UCKL1: variants seen among roughly 807,000 people sequenced by gnomAD.
The protein encoded by UCKL1 is uridine-cytidine kinase 1 like 1, also known as uridine-cytidine kinase-like 1.
Under a neutral mutation model 59.2 loss-of-function variants are expected in UCKL1, and 65 were observed. That is an observed-to-expected ratio of 1.10 (90% confidence interval 0.90 to 1.35). UCKL1 has a LOEUF of 1.35. UCKL1 is among the 40% of genes most tolerant of loss of function. The probability of loss-of-function intolerance (pLI) is 0.00; values close to 1 mark genes in which losing one functional copy is unlikely to be tolerated. For missense variants in UCKL1, 703 were observed against 784.3 expected, an observed-to-expected ratio of 0.90 and a Z score of 1.24; for synonymous variants, 410 against 323.1, an observed-to-expected ratio of 1.27 and a Z score of -2.88.
Position 63,956,253 on chromosome 20 carries a change from C to T in UCKL1, c.113+7G>A, listed in dbSNP as rs914919749. On this transcript the variant is annotated splice_region_variant and intron_variant, in intron 1 of 14. Transcript: ENST00000354216. Reference sequence around the variant, plus strand: ...GCCAGTGGAGTGGAGGCGAGGCCCACGCCTACCGGTCCTCGCACGCGGTCT... The same window carrying T: ...GCCAGTGGAGTGGAGGCGAGGCCCATGCCTACCGGTCCTCGCACGCGGTCT... 2.6e-6 allele frequency: 4 copies of T among 1,527,198 alleles called. No individual in the cohort carries two copies. The highest frequency in any genetic ancestry group is 2.6e-6 in the Non-Finnish European group (3 of 1,140,324). 94.6% of individuals were successfully genotyped at this position (1,527,198 alleles called of 1,614,324 possible).
At chr20:63,943,762 C>T (rs1014044620) in intron 7 of UCKL1, 93 bp from the exon 8 acceptor site, 1 of 1,583,718 alleles carries the variant, frequency 6.3e-7, no homozygotes, top group Admixed American at 1.7e-5. Flanking sequence ...AATGGACATG[C>T]TGCAGGCCCG....
chr20:63,945,344 C>T (rs1363929547), intron 5 of UCKL1, among the ~76,000 whole-genome samples: 1 of 150,704 alleles, frequency 6.6e-6, no homozygotes, highest in African/African-American at 2.5e-5. Flanking sequence ...AACACACCAG[C>T]CCTGGGTCCT....
chr20:63,941,255 A>G, intron 8 of UCKL1, 47 bp from the exon 9 acceptor site: 1 of 1,456,588 alleles, frequency 6.9e-7, no homozygotes, highest in Non-Finnish European at 9.1e-7. Context: ...GTCTTTTCCC[A>G]GAGCCCTCCC....
chr20:63,942,366 A>C, intron 8 of UCKL1: 1 of 1,152,706 alleles, frequency 8.7e-7, no homozygotes, highest in South Asian at 1.6e-5. Flanking sequence ...AGCGGCAGGG[A>C]AAGGGGCGGG....
At chr20:63,942,006 G>T (rs2054654269) in intron 8 of UCKL1, among the ~76,000 whole-genome samples, 1 of 136,192 alleles carries the variant, frequency 7.3e-6, no homozygotes, top group East Asian at 2.2e-4. Flanking sequence ...AGGGAAAGGG[G>T]CGGGGCCGGG....
intron 8 of UCKL1, chr20:63,942,367 AAG>A (rs1219579790): frequency 1.7e-6 from 2 of 1,159,800 alleles, no homozygotes; most frequent in African/African-American, 3.3e-5. Context: ...GCGGCAGGGA[AAG>A]GGGCGGGGCA....
In UCKL1 at chr20:63,946,486, G is replaced by C; in HGVS notation, c.271C>G (p.His91Asp). 1 of 1,580,240 alleles carries C rather than the reference G, an allele frequency of 6.3e-7. No individual in the cohort carries two copies. The highest frequency in any genetic ancestry group is 8.6e-7 in the Non-Finnish European group (1 of 1,162,480). ...TAGRPPWYNE[H>D]GTQSKEAFAI... ...AAGGCCTCTTTGGATTGCGTGCCGT[G>C]TTCATTGTACCAGGGCGGCCGCCCG... is the stretch of plus-strand genomic sequence containing the variant. The change falls in exon 2 of 15, where the codon CAC becomes GAC. Residue 91 changes from histidine to aspartate, a missense_variant. This residue lies in a region of UCKL1 where 398 missense variants were observed against 373.0 expected (regional missense o/e 1.07). Transcript: ENST00000354216.
rs2055788781 is a variant in UCKL1, at chr20:63,945,073, A to G, written c.655-339T>C. 2.0e-5 allele frequency among the ~76,000 whole-genome samples: 3 copies of G among 152,188 alleles called. No individual in the cohort carries two copies. In the South Asian group the frequency reaches 6.2e-4, roughly 31 times the overall value. ...GCAGGAATGGGGCTGGGCACATGTG[A>G]TCTCCTTACTTTGCTTGGGGTAACT... On this transcript the variant is annotated intron_variant, in intron 5 of 14. Coordinates refer to ENST00000354216, the MANE Select transcript of UCKL1 (RefSeq NM_017859.4).
Position 63,944,725 on chromosome 20 carries a change from T to C in UCKL1, c.664A>G (p.Met222Val), listed in dbSNP as rs1233313597. ...GAGTCTGTGTCCACAAAGATCTTCA[T>C]GTCCAGGAGCTGGTGGAGACAGCGG... ...ADKTLLELLD[M>V]KIFVDTDSDI... The change falls in exon 6 of 15, where the codon ATG (methionine) becomes GTG (valine). Residue 222 changes from methionine (M) to valine (V), a missense_variant. Met to Val is a conservative substitution (Grantham distance 21). Coordinates refer to ENST00000354216, the MANE Select transcript of UCKL1 (RefSeq NM_017859.4). 8 of 1,612,606 alleles carry C rather than the reference T, an allele frequency of 5.0e-6. No individual in the cohort carries two copies. The highest frequency in any genetic ancestry group is 4.4e-5 in the South Asian group (4 of 91,072).
Position 63,940,456 on chromosome 20 carries a change from G to A in UCKL1, c.1332C>T (p.Ile444=). ...ELHYLRLPKD[I]SDDHVILMDC... is the part of the protein sequence containing the mutation. ...CCATGAGGATCACGTGGTCATCGCT[G>A]ATGTCCTTGGGCAGCCTCAGGTAGT... The change falls in exon 13 of 15, where the codon ATC becomes ATT. Residue 444 remains isoleucine, a synonymous_variant. Coordinates refer to ENST00000354216, the MANE Select transcript of UCKL1 (RefSeq NM_017859.4). 2 of 1,612,160 alleles carry A rather than the reference G, an allele frequency of 1.2e-6. No individual in the cohort carries two copies. The highest frequency in any genetic ancestry group is 1.7e-6 in the Non-Finnish European group (2 of 1,179,758).
intron 1 of UCKL1, among the ~76,000 whole-genome samples, chr20:63,952,868 A>T (rs1232869473): frequency 6.6e-6 from 1 of 152,262 alleles, no homozygotes; most frequent in Non-Finnish European, 1.5e-5. Context: ...GACTAACAGC[A>T]GGTTCATTAC....
At chr20:63,951,323 G>T in intron 1 of UCKL1, 1 of 514,562 alleles carries the variant, frequency 1.9e-6, no homozygotes, top group Non-Finnish European at 2.5e-6. Flanking sequence ...GCCTAGGACC[G>T]CAGGCCTGCG....
chr20:63,955,775 A>G (rs2058515704), intron 1 of UCKL1: 1 of 152,196 alleles, frequency 6.6e-6, no homozygotes, highest in African/African-American at 2.4e-5. Flanking sequence ...CAACTTCCCC[A>G]CTTCATGCTC....
chr20:63,947,334 C>T (rs890283265), intron 1 of UCKL1, among the ~76,000 whole-genome samples: 4 of 152,248 alleles, frequency 2.6e-5, no homozygotes, highest in Non-Finnish European at 5.9e-5. Context: ...AGGTGAGACC[C>T]CAAAATGGAC....
intron 5 of UCKL1, 73 bp downstream of exon 5, chr20:63,945,578 G>C (rs2055944716): frequency 1.3e-6 from 2 of 1,505,482 alleles, no homozygotes; most frequent in Non-Finnish European, 1.8e-6. Flanking sequence ...CAGGGCAGGA[G>C]GACGCACACC....
At chr20:63,949,295 G>C (rs997360204) in intron 1 of UCKL1, among the ~76,000 whole-genome samples, 2 of 152,174 alleles carry the variant, frequency 1.3e-5, no homozygotes, top group Non-Finnish European at 2.9e-5. Context: ...AGGGCGGCCC[G>C]GGGGACAGCA....
chr20:63,955,641 C>T (rs2058488165), intron 1 of UCKL1: 1 of 152,216 alleles, frequency 6.6e-6, no homozygotes, highest in Non-Finnish European at 1.5e-5. Context: ...CAGCCCCGGG[C>T]ACTGCGTGGC....
At chr20:63,956,177 G>C in intron 1 of UCKL1, 83 bp downstream of exon 1, 1 of 1,272,666 alleles carries the variant, frequency 7.9e-7, no homozygotes, top group Non-Finnish European at 1.0e-6. Flanking sequence ...GGCTCGCGGC[G>C]GGGACGGACC....
intron 1 of UCKL1, among the ~76,000 whole-genome samples, 186 bp from the exon 2 acceptor site, chr20:63,946,829 G>A (rs1388113941): frequency 6.6e-6 from 1 of 152,110 alleles, no homozygotes; most frequent in Non-Finnish European, 1.5e-5. Context: ...TGTAATCCCA[G>A]TACTTTGGGA....
Sources: allele counts gnomAD v4.1 joint callset (sites outside exome capture counted in the v4.1 genomes callset), GRCh38; gene constraint gnomAD v4.1.1; regional missense constraint gnomAD v4.1.1; transcripts MANE v1.5; gene names NCBI Gene and HGNC (gene_info 2026-07-23, HGNC 2026-07-21).